GRIP1: variants seen among roughly 807,000 people sequenced by gnomAD.
The protein encoded by GRIP1 is glutamate receptor-interacting protein 1.
A neutral mutation model predicts 129.9 loss-of-function variants in GRIP1; 45 were observed. The observed-to-expected ratio is 0.35, with a 90% CI of 0.27 to 0.44. GRIP1 has a LOEUF of 0.44. GRIP1 is among the 20% of genes least tolerant of loss of function. GRIP1 has a pLI of 1.00. For synonymous variants in GRIP1, 530 were observed against 520.8 expected, an observed-to-expected ratio of 1.02 and a Z score of -0.24; for missense variants, 1,196 against 1,396.8, an observed-to-expected ratio of 0.86 and a Z score of 2.29.
chr12:66,507,477 A>T (rs1259294256), intron 7 of GRIP1, among the ~76,000 whole-genome samples: 2 of 151,966 alleles, frequency 1.3e-5, no homozygotes, highest in East Asian at 3.8e-4. Context: ...AAGTATGAAT[A>T]GTGGCTAATT....
In GRIP1 at chr12:66,421,325, C is replaced by T. The variant is rs1165889701; in HGVS notation, c.1769-536G>A. Reference sequence around the variant, plus strand: ...TTGAGAGGCTGAGGTGGGAGGATCACCTGGGGTCAGAAGTTCGACATCAGC... The same window carrying T: ...TTGAGAGGCTGAGGTGGGAGGATCATCTGGGGTCAGAAGTTCGACATCAGC... On this transcript the variant is annotated intron_variant, in intron 14 of 24. Transcript: ENST00000359742. Among the ~76,000 whole-genome samples the T allele has an allele frequency of 2.0e-5, 3 of 152,106 alleles. 1 individual carries two copies. The highest frequency in any genetic ancestry group is 4.4e-5 in the Non-Finnish European group (3 of 68,020).
intron 11 of GRIP1, among the ~76,000 whole-genome samples, chr12:66,449,890 T>TC (rs977381022): frequency 6.6e-6 from 1 of 152,164 alleles, no homozygotes; most frequent in African/African-American, 2.4e-5. Context: ...TTTTATAGGT[T>TC]CATATTAATT....
At chr12:66,381,600 G>A (rs767835242) in intron 19 of GRIP1, among the ~76,000 whole-genome samples, 18 of 152,112 alleles carry the variant, frequency 1.2e-4, no homozygotes, top group Admixed American at 2.0e-4. Context: ...CATTAACCCC[G>A]ATGACCACTG....
At chr12:66,540,961 G>GC (rs1223763154) in intron 3 of GRIP1, among the ~76,000 whole-genome samples, 9 of 150,842 alleles carry the variant, frequency 6.0e-5, no homozygotes, top group Non-Finnish European at 1.0e-4. Context: ...ATCACACCTG[G>GC]CTTTTTTTTT....
Position 66,463,193 on chromosome 12 carries a change from TTAAAA to T in GRIP1, c.873-105_873-101del, listed in dbSNP as rs63622960. ...TAAAATTTCACAGTTTTTCATTTAC[TTAAAA>T]TAAAAGAAAAGAAAAGTTTGAGTGT... On this transcript the variant is annotated intron_variant, in intron 8 of 24. Transcript: ENST00000359742. 5.0e-5 allele frequency: 53 copies of T among 1,066,188 alleles called. 1 individual carries two copies. The highest frequency in any genetic ancestry group is 6.6e-5 in the Non-Finnish European group (47 of 715,720). 66.0% of individuals were successfully genotyped at this position (1,066,188 alleles called of 1,614,324 possible).
At chr12:66,539,545 C>CTTTTTTTTTTTTTTG (rs2061708812) in intron 3 of GRIP1, among the ~76,000 whole-genome samples, 1 of 59,288 alleles carries the variant, frequency 1.7e-5, no homozygotes, top group Non-Finnish European at 3.0e-5. Flanking sequence ...TCAAGAGAAG[C>CTTTTTTTTTTTTTTG]TTTTTTTTTT....
intron 1 of GRIP1, among the ~76,000 whole-genome samples, chr12:67,066,653 C>G (rs1031131266): frequency 1.9e-4 from 29 of 151,946 alleles, no homozygotes; most frequent in African/African-American, 7.0e-4. Context: ...CCTGACCAAC[C>G]TGACAGTTTA....
chr12:66,455,466 T>C lies in GRIP1; in HGVS notation c.1297A>G (p.Ser433Gly). 1 of 1,613,848 alleles carries C rather than the reference T, an allele frequency of 6.2e-7. No individual in the cohort carries two copies. Among genetic ancestry groups the C allele is most frequent in the Non-Finnish European group, 8.5e-7 (1 of 1,179,718 alleles). Residue 433 changes from serine to glycine, a missense_variant, in exon 11 of 25, where the codon AGC becomes GGC. Physicochemically the swap from Ser to Gly is moderately conservative, Grantham distance 56. This residue lies in a region of GRIP1 where 508 missense variants were observed against 587.0 expected (regional missense o/e 0.87). Transcript: ENST00000359742. ...GTLPRSLYST[S>G]PRGTMMRRRL... The stretch of plus-strand genomic sequence containing the variant: ...CTCCTCATCATGGTTCCACGTGGGC[T>C]GGTGGAGTAGAGGCTTCGAGGTAGA...
intron 1 of GRIP1, among the ~76,000 whole-genome samples, chr12:66,702,339 A>G (rs1216354022): frequency 6.6e-6 from 1 of 152,188 alleles, no homozygotes; most frequent in Non-Finnish European, 1.5e-5. Flanking sequence ...ATAGTGCTCT[A>G]GAATTATATT....
At chr12:66,805,673 T>C (rs917748815), upstream of GRIP1, among the ~76,000 whole-genome samples, 7 of 152,214 alleles carry the variant, frequency 4.6e-5, no homozygotes, top group Non-Finnish European at 1.0e-4. Context: ...GCAATTTGTC[T>C]GTCTTCTAGA....
intron 2 of GRIP1, among the ~76,000 whole-genome samples, chr12:66,573,799 C>T (rs2063045920): frequency 6.6e-6 from 1 of 152,136 alleles, no homozygotes; most frequent in Non-Finnish European, 1.5e-5. Flanking sequence ...GTACAGGGTA[C>T]GGATGTGAAA....
At chr12:66,682,731 T>C (rs191905199), upstream of GRIP1, among the ~76,000 whole-genome samples, 1,398 of 152,314 alleles carry the variant, frequency 9.2e-3, 13 homozygotes, top group Non-Finnish European at 0.016. Flanking sequence ...CCAAAAATGT[T>C]CTGCCATATG....
intron 1 of GRIP1, among the ~76,000 whole-genome samples, chr12:67,025,658 C>CT (rs1326352907): frequency 6.6e-6 from 1 of 152,058 alleles, no homozygotes; most frequent in African/African-American, 2.4e-5. Flanking sequence ...CCAGGTTTCT[C>CT]TCCCCCCAGG....
At chr12:66,844,334 C>A (rs149234259) in intron 1 of GRIP1, among the ~76,000 whole-genome samples, 2 of 152,092 alleles carry the variant, frequency 1.3e-5, no homozygotes, top group South Asian at 2.1e-4. Flanking sequence ...AATTAGCACA[C>A]GAAAATATGC....
chr12:66,403,927 C>A (rs2057097483), intron 16 of GRIP1, among the ~76,000 whole-genome samples: 1 of 152,180 alleles, frequency 6.6e-6, no homozygotes, highest in South Asian at 2.1e-4. Context: ...TATACATATT[C>A]ATCTCTGGCT....
chr12:66,668,577 A>G (rs2033915748), intron 1 of GRIP1, among the ~76,000 whole-genome samples: 1 of 152,136 alleles, frequency 6.6e-6, no homozygotes, highest in Non-Finnish European at 1.5e-5. Context: ...ACACCCCTCT[A>G]GTTAAATAGG....
chr12:67,018,329 A>T (rs1307708381), intron 1 of GRIP1, among the ~76,000 whole-genome samples: 1 of 151,960 alleles, frequency 6.6e-6, no homozygotes, highest in Non-Finnish European at 1.5e-5. Context: ...GTGGGCACTA[A>T]TGTCCCTTGT....
At chr12:67,027,900 A>G (rs2042963251) in intron 1 of GRIP1, among the ~76,000 whole-genome samples, 1 of 152,194 alleles carries the variant, frequency 6.6e-6, no homozygotes, top group Non-Finnish European at 1.5e-5. Context: ...ATGACCAGAT[A>G]TGCCTCTTGA....
intron 7 of GRIP1, among the ~76,000 whole-genome samples, chr12:66,476,430 C>T (rs1437312102): frequency 2.0e-5 from 3 of 152,134 alleles, no homozygotes; most frequent in African/African-American, 7.2e-5. Context: ...CGAATTCTAC[C>T]AGAGGTACAA....
Sources: allele counts gnomAD v4.1 joint callset (sites outside exome capture counted in the v4.1 genomes callset), GRCh38; gene constraint gnomAD v4.1.1; regional missense constraint gnomAD v4.1.1; transcripts MANE v1.5; gene names NCBI Gene and HGNC (gene_info 2026-07-23, HGNC 2026-07-21).